Variants in FAM228B observed in about 807,000 individuals in gnomAD.
The protein encoded by FAM228B is family with sequence similarity 228 member B.
FAM228B carries 38 observed loss-of-function variants against 42.6 expected under a neutral mutation model. The observed-to-expected ratio is 0.89, with a 90% CI of 0.69 to 1.17. The LOEUF (loss-of-function observed/expected upper bound fraction) is 1.17. Ranked by LOEUF, FAM228B falls within the 50% of genes most tolerant of loss-of-function variation. The pLI, the probability that FAM228B is intolerant of heterozygous loss-of-function variation, is 0.00. For synonymous variants in FAM228B, 109 were observed against 122.3 expected (o/e 0.89, Z 0.72); for missense variants, 344 against 367.3 (o/e 0.94, Z 0.52).
chr2:24,155,547 T>A (rs2151027929), intron 7 of FAM228B, among the ~76,000 whole-genome samples: 1 of 125,898 alleles, frequency 7.9e-6, no homozygotes, highest in African/African-American at 3.0e-5. Context: ...TTTTTTTTTT[T>A]TTTTTTTTTT....
At chr2:24,159,161 C>G (rs1667231011) in intron 7 of FAM228B, among the ~76,000 whole-genome samples, 1 of 152,204 alleles carries the variant, frequency 6.6e-6, no homozygotes, top group South Asian at 2.1e-4. Context: ...TCATTTTAAC[C>G]TGATAACATC....
chr2:24,094,517 T>C (rs930704087), intron 2 of FAM228B, among the ~76,000 whole-genome samples: 1 of 152,120 alleles, frequency 6.6e-6, no homozygotes, highest in African/African-American at 2.4e-5. Context: ...CAGAGTCTTG[T>C]TCTGTTGCTG....
rs550528337 is a variant in FAM228B, at chr2:24,135,432, C to A, written c.168+245C>A. On this transcript the variant is annotated intron_variant, in intron 3 of 10. Transcript: ENST00000615575. ...GAAATTTTCCTCTACTCACTTGTTTCTTTGTCTTAGTGGGTTTCAGCAGTC... is the reference window on the plus strand; with the variant it reads ...GAAATTTTCCTCTACTCACTTGTTTATTTGTCTTAGTGGGTTTCAGCAGTC... Among the ~76,000 whole-genome samples the A allele has an allele frequency of 4.8e-4, 73 of 152,264 alleles. 1 individual carries two copies. Among genetic ancestry groups the A allele is most frequent in the African/African-American group, 1.6e-3 (67 of 41,564 alleles).
chr2:24,103,403 C>A (rs1665643932), intron 3 of FAM228B, among the ~76,000 whole-genome samples: 1 of 152,204 alleles, frequency 6.6e-6, no homozygotes, highest in South Asian at 2.1e-4. Flanking sequence ...GCTTTGTGAA[C>A]CATCAGGACA....
chr2:24,121,292 G>C (rs1666110289), upstream of FAM228B: 1 of 1,613,990 alleles, frequency 6.2e-7, no homozygotes. Flanking sequence ...GGACATCACT[G>C]GGCGTTACCT....
At chr2:24,152,707 T>TGCCG (rs1421750289) in intron 7 of FAM228B, among the ~76,000 whole-genome samples, 1 of 152,214 alleles carries the variant, frequency 6.6e-6, no homozygotes, top group African/African-American at 2.4e-5. Context: ...CCATTACTGG[T>TGCCG]GCCGCATTGG....
intron 3 of FAM228B, chr2:24,115,468 T>C (rs1665883115): frequency 9.3e-6 from 8 of 859,466 alleles, no homozygotes; most frequent in Non-Finnish European, 1.5e-5. Context: ...CTTAATTCAT[T>C]CTTCTTTTTT....
chr2:24,153,335 G>A (rs890466876), intron 7 of FAM228B, among the ~76,000 whole-genome samples: 1 of 152,166 alleles, frequency 6.6e-6, no homozygotes, highest in East Asian at 1.9e-4. Context: ...TCAGAATCCA[G>A]AGCCCCCAGT....
At chr2:24,085,200 A>C (rs143853981) in intron 2 of FAM228B, 8 of 152,222 alleles carry the variant, frequency 5.3e-5, no homozygotes, top group African/African-American at 1.9e-4. Context: ...TGCTAAGAGA[A>C]GAGAAAGGAG....
chr2:24,094,988 C>T (rs892970477), intron 2 of FAM228B, among the ~76,000 whole-genome samples: 1 of 152,134 alleles, frequency 6.6e-6, no homozygotes, highest in Non-Finnish European at 1.5e-5. Flanking sequence ...CCTAGCTACT[C>T]CCAAGGGTGA....
intron 5 of FAM228B, among the ~76,000 whole-genome samples, chr2:24,144,252 C>A (rs12620938): frequency 0.58 from 88,225 of 151,694 alleles, 26,326 homozygotes; most frequent in East Asian, 0.75. Flanking sequence ...CCAGCCTGGG[C>A]AACATAGGGA....
At chr2:24,085,114 T>C (rs2150988687) in intron 2 of FAM228B, 1 of 152,254 alleles carries the variant, frequency 6.6e-6, no homozygotes, top group South Asian at 2.1e-4. Context: ...TTTCCAGGCA[T>C]GGCCAGGCTT....
chr2:24,086,555 G>A (rs1665260442), intron 2 of FAM228B, among the ~76,000 whole-genome samples: 1 of 147,546 alleles, frequency 6.8e-6, no homozygotes, highest in Non-Finnish European at 1.5e-5. Flanking sequence ...TTGTAGTGTA[G>A]GGGTCTCATT....
rs554766093 is a variant in FAM228B at position 24,141,460 on chromosome 2, G to A, written c.441+2010G>A. 6.2e-4 allele frequency among the ~76,000 whole-genome samples: 94 copies of A among 152,262 alleles called. 1 individual carries two copies. In the South Asian group the frequency reaches 0.019, roughly 31 times the overall value. ...GGGGTTTCACCGTGTTAGCCAGGAT[G>A]GTCTCAATCTCCTGACCTCGTGATC... On this transcript the variant is annotated intron_variant, in intron 5 of 10. Transcript: ENST00000615575.
At chr2:24,113,385 C>T (rs913830977) in intron 3 of FAM228B, among the ~76,000 whole-genome samples, 3 of 152,094 alleles carry the variant, frequency 2.0e-5, no homozygotes, top group Non-Finnish European at 2.9e-5. Context: ...CCAGCCTGTG[C>T]AACATGGTGA....
chr2:24,141,393 A>C (rs1259967494), intron 5 of FAM228B, among the ~76,000 whole-genome samples: 1 of 152,032 alleles, frequency 6.6e-6, no homozygotes, highest in South Asian at 2.1e-4. Flanking sequence ...ACATGCACCC[A>C]CCACCACGCC....
chr2:24,110,273 C>T (rs955990644), intron 3 of FAM228B, among the ~76,000 whole-genome samples: 2 of 151,996 alleles, frequency 1.3e-5, no homozygotes, highest in African/African-American at 2.4e-5. Context: ...GACACTGGGG[C>T]CTGCTTGAGA....
At chr2:24,155,525 ATATATATT>A (rs1667116892) in intron 7 of FAM228B, among the ~76,000 whole-genome samples, 1 of 48,306 alleles carries the variant, frequency 2.1e-5, no homozygotes, top group Non-Finnish European at 3.6e-5. Context: ...ATATATATAT[ATATATATT>A]TTTTTTTTTT....
intron 2 of FAM228B, among the ~76,000 whole-genome samples, chr2:24,134,328 C>G (rs1272171111): frequency 6.6e-6 from 1 of 152,180 alleles, no homozygotes; most frequent in African/African-American, 2.4e-5. Context: ...TATTATTGTT[C>G]ACTAGTGACA....
Sources: allele counts gnomAD v4.1 joint callset (sites outside exome capture counted in the v4.1 genomes callset), GRCh38; gene constraint gnomAD v4.1.1; transcripts MANE v1.5; gene names NCBI Gene and HGNC (gene_info 2026-07-23, HGNC 2026-07-21).